USP13: variants seen among roughly 807,000 people sequenced by gnomAD.
USP13 encodes ubiquitin carboxyl-terminal hydrolase 13.
USP13 carries 68 observed loss-of-function variants against 107.8 expected under a neutral mutation model. The ratio of observed to expected loss-of-function variants is 0.63; its 90% CI spans 0.52 to 0.77. USP13 has a LOEUF of 0.77. USP13 is among the 30% of genes least tolerant of loss of function. The pLI is 0.00. For missense variants in USP13, 945 were observed against 1,093.3 expected (o/e 0.86, Z 1.91); for synonymous variants, 377 against 389.5 (o/e 0.97, Z 0.38).
At chr3:179,685,668 G>A (rs146220034) in intron 2 of USP13, among the ~76,000 whole-genome samples, 17 of 151,326 alleles carry the variant, frequency 1.1e-4, no homozygotes, top group African/African-American at 3.9e-4. Context: ...GAGGCCCAGA[G>A]ACTTAGTAAC....
chr3:179,723,298 T>G (rs1177335113), intron 8 of USP13, among the ~76,000 whole-genome samples: 1 of 152,220 alleles, frequency 6.6e-6, no homozygotes, highest in Non-Finnish European at 1.5e-5. Context: ...TCTATGTCTA[T>G]TTTTCATTTT....
chr3:179,701,015 T>C lies in USP13; in HGVS notation c.363T>C (p.Asp121=), dbSNP rs780879752. ...RRNSKIFLDL[D]TDDDLNSDDY... ...TTTTTGTTTTCTCCTCAGATCTAGA[T>C]ACTGATGACGATTTAAATAGCGACG... The change falls in exon 4 of 21, where the codon GAT becomes GAC. Residue 121 remains aspartate, a synonymous_variant. Coordinates refer to ENST00000263966, the MANE Select transcript of USP13 (RefSeq NM_003940.3). 2 of 1,613,420 alleles carry C rather than the reference T, an allele frequency of 1.2e-6. No individual in the cohort carries two copies. Among genetic ancestry groups the C allele is most frequent in the Non-Finnish European group, 1.7e-6 (2 of 1,179,880 alleles).
chr3:179,668,318 T>C (rs961463307), intron 1 of USP13, among the ~76,000 whole-genome samples: 1 of 152,092 alleles, frequency 6.6e-6, no homozygotes, highest in Admixed American at 6.6e-5. Flanking sequence ...ATATTTCTGG[T>C]TTTTTCTTAA....
At position 179,697,209 on chromosome 3, in the gene USP13, G is replaced by T. The variant is rs375910951; in HGVS notation, c.356-3799G>T. ...AATTTGTGCAAAGTTTCGCTAATGG[G>T]CCTGTTCAGAAAGTTCATCTGCCCC... is the stretch of plus-strand genomic sequence containing the variant. On this transcript the variant is annotated intron_variant, in intron 3 of 20. Transcript: ENST00000263966. Among the ~76,000 whole-genome samples the T allele has an allele frequency of 1.5e-3, 236 of 152,268 alleles. 2 individuals are homozygous for T. The highest frequency in any genetic ancestry group is 0.013 in the South Asian group (63 of 4,812).
intron 10 of USP13, among the ~76,000 whole-genome samples, chr3:179,733,381 TG>T (rs1713872289): frequency 6.6e-6 from 1 of 152,180 alleles, no homozygotes; most frequent in Non-Finnish European, 1.5e-5. Context: ...CTTGTGGCCC[TG>T]GGGGTGTCCG....
intron 16 of USP13, among the ~76,000 whole-genome samples, chr3:179,758,328 G>A (rs181618494): frequency 6.6e-6 from 1 of 152,194 alleles, no homozygotes; most frequent in African/African-American, 2.4e-5. Context: ...TGGGCATTTG[G>A]AATTAACTGT....
intron 3 of USP13, among the ~76,000 whole-genome samples, chr3:179,695,900 T>C (rs1712306807): frequency 6.6e-6 from 1 of 152,116 alleles, no homozygotes; most frequent in South Asian, 2.1e-4. Flanking sequence ...CACCCTGGAG[T>C]GCTACAGTGA....
At chr3:179,679,421 T>C (rs561807695) in intron 1 of USP13, among the ~76,000 whole-genome samples, 4 of 150,950 alleles carry the variant, frequency 2.6e-5, no homozygotes, top group African/African-American at 9.9e-5. Context: ...TGTAAGGTAT[T>C]TATTGGCAAT....
Position 179,742,345 on chromosome 3 carries a change from A to G in USP13, c.1529A>G (p.Asn510Ser). ...CCTGTGGCCATGGAGGCGGCAACCA[A>G]CAAGGGTAACAATTCCAAAGCGGGA... ...QLPVAMEAAT[N>S]KDELIAYELT... is the part of the protein sequence containing the mutation. The change falls in exon 12 of 21, where the codon AAC becomes AGC. Residue 510 changes from asparagine to serine, a missense_variant. By Grantham distance (46) the Asn-to-Ser change is conservative (BLOSUM62 1). Transcript: ENST00000263966. The surrounding 1 kb of genome is among the most constrained non-coding windows in gnomAD (Gnocchi z 5.0). 1 of 1,614,222 alleles carries G rather than the reference A, an allele frequency of 6.2e-7. No homozygotes were observed.
intron 6 of USP13, among the ~76,000 whole-genome samples, chr3:179,719,527 G>A (rs184772986): frequency 1.1e-4 from 17 of 152,252 alleles, no homozygotes; most frequent in South Asian, 6.2e-4. Context: ...CTGTTCCCCC[G>A]GAGGTCCCCC....
In USP13 at chr3:179,659,003, A is replaced by G. The variant is rs562058200; in HGVS notation, c.168+5610A>G. 1.1e-4 allele frequency among the ~76,000 whole-genome samples: 17 copies of G among 152,312 alleles called. No individual in the cohort carries two copies. In the South Asian group the frequency reaches 2.9e-3, roughly 26 times the overall value. On this transcript the variant is annotated intron_variant, in intron 1 of 20. Transcript: ENST00000263966. ...CCGGAGGGGATATGATACTCAGCAT[A>G]AATGGTTGCCCCTTACTCCCACCTC...
At chr3:179,750,451 G>A (rs1213752562) in intron 13 of USP13, among the ~76,000 whole-genome samples, 1 of 151,138 alleles carries the variant, frequency 6.6e-6, no homozygotes, top group African/African-American at 2.4e-5. Flanking sequence ...TCAGAAGATA[G>A]AAAAACCTAA....
Position 179,681,997 on chromosome 3 carries a change from G to T in USP13, c.288G>T (p.Val96=), listed in dbSNP as rs1245938499. ...QSVYMHLKRH[V]REKVRGASGG... is the part of the protein sequence containing the mutation. ...TATACATGCACCTGAAAAGACATGT[G>T]CGAGAGGTGAGAGCGGCACTTTCAG... Residue 96 remains valine, a synonymous_variant, in exon 2 of 21, where the codon GTG becomes GTT. Coordinates refer to ENST00000263966, the MANE Select transcript of USP13 (RefSeq NM_003940.3). 4.3e-6 allele frequency: 7 copies of T among 1,612,706 alleles called. No individual in the cohort carries two copies. Among genetic ancestry groups the T allele is most frequent in the Non-Finnish European group, 5.9e-6 (7 of 1,179,214 alleles).
intron 17 of USP13, among the ~76,000 whole-genome samples, chr3:179,763,704 A>T (rs1715078272): frequency 6.6e-6 from 1 of 152,100 alleles, no homozygotes; most frequent in Non-Finnish European, 1.5e-5. Context: ...CTTGTGCCTC[A>T]GCCTCCCAAG....
chr3:179,743,945 T>TTTTGA (rs1714301906), intron 12 of USP13, among the ~76,000 whole-genome samples: 1 of 143,432 alleles, frequency 7.0e-6, no homozygotes, highest in Non-Finnish European at 1.5e-5. Flanking sequence ...TTTTTTTTTT[T>TTTTGA]GAGTAATACA....
chr3:179,781,780 A>T lies in USP13; in HGVS notation c.2455A>T (p.Thr819Ser). Residue 819 changes from threonine (T) to serine (S), a missense_variant, in exon 20 of 21, where the codon ACA (threonine) becomes TCA (serine). Physicochemically the swap from Thr to Ser is moderately conservative, Grantham distance 58. Coordinates refer to ENST00000263966, the MANE Select transcript of USP13 (RefSeq NM_003940.3). ...ATTCATCAGTCACATGGGAACATCC[A>T]CAATGAGTGGTCATTACATTTGCCA... ...FAFISHMGTS[T>S]MSGHYICHIK... 6.2e-7 allele frequency: 1 copy of T among 1,614,152 alleles called. No homozygotes were observed. Among genetic ancestry groups the T allele is most frequent in the East Asian group, 2.2e-5 (1 of 44,866 alleles).
Position 179,735,659 on chromosome 3 carries a change from C to T in USP13, c.1255-4588C>T, listed in dbSNP as rs377626079. 2.7e-3 allele frequency among the ~76,000 whole-genome samples: 414 copies of T among 152,152 alleles called. 2 individuals carry two copies. Among genetic ancestry groups the T allele is most frequent in the African/African-American group, 9.6e-3 (398 of 41,520 alleles). On this transcript the variant is annotated intron_variant, in intron 10 of 20. Transcript: ENST00000263966. ...TTTAACATAAAATTTAAACATCCTCCTTTTCACCTATAGATGTAGTTATGC... is the reference window on the plus strand; with the variant it reads ...TTTAACATAAAATTTAAACATCCTCTTTTTCACCTATAGATGTAGTTATGC...
At chr3:179,743,651 C>T (rs567262248) in intron 12 of USP13, among the ~76,000 whole-genome samples, 37 of 152,100 alleles carry the variant, frequency 2.4e-4, no homozygotes, top group African/African-American at 7.5e-4. Context: ...TTCTCTTGTC[C>T]GCCTCAGGGT....
rs991378817 is a variant in USP13 at position 179,728,968 on chromosome 3, G to C, written c.1089-1221G>C. 1.1e-3 allele frequency among the ~76,000 whole-genome samples: 140 copies of C among 127,350 alleles called. 1 individual carries two copies. The highest frequency in any genetic ancestry group is 3.8e-3 in the African/African-American group (137 of 36,344). 83.5% of individuals were successfully genotyped at this position (127,350 alleles called of 152,430 possible). A position where few individuals can be genotyped will look rare whatever the true frequency, so the allele number is the denominator to read the frequency against. On this transcript the variant is annotated intron_variant, in intron 8 of 20. Transcript: ENST00000263966. The stretch of plus-strand genomic sequence containing the variant: ...TGGAGAGAGGGAGAGGGAGACCGTG[G>C]GGAGACGGAGAGGAAGAGGGAGAGG...
Sources: gnomAD v4.1 joint callset for allele counts (sites outside exome capture counted in the v4.1 genomes callset) on GRCh38, gnomAD v4.1.1 for gene constraint, Gnocchi (gnomAD v3.1) non-coding constraint, MANE v1.5 for transcripts, NCBI Gene and HGNC (gene_info 2026-07-23, HGNC 2026-07-21) for gene names.